The following IPCEF1 variants were observed in gnomAD, a reference collection of about 807,000 sequenced individuals.
IPCEF1 encodes interactor protein for cytohesin exchange factors 1.
IPCEF1 carries 31 observed loss-of-function variants against 50.9 expected under a neutral mutation model. That is an observed-to-expected ratio of 0.61 (90% CI 0.46 to 0.82). The LOEUF is 0.82. IPCEF1 is among the 40% of genes least tolerant of loss of function. The probability of loss-of-function intolerance (pLI) is 0.00; values close to 1 mark genes in which losing one functional copy is unlikely to be tolerated. For synonymous variants in IPCEF1, 181 were observed against 192.0 expected, an observed-to-expected ratio of 0.94 and a Z score of 0.47; for missense variants, 458 against 514.0, an observed-to-expected ratio of 0.89 and a Z score of 1.05.
intron 5 of IPCEF1, among the ~76,000 whole-genome samples, chr6:154,224,767 T>C (rs1171727307): frequency 6.6e-6 from 1 of 152,156 alleles, no homozygotes; most frequent in East Asian, 1.9e-4. Context: ...ATGGGCACTC[T>C]CTTCTTTAAA....
At chr6:154,194,433 CCTTT>C (rs982265082) in intron 10 of IPCEF1, among the ~76,000 whole-genome samples, 6 of 152,186 alleles carry the variant, frequency 3.9e-5, no homozygotes, top group South Asian at 4.2e-4. Flanking sequence ...TAAATTTATT[CCTTT>C]CTGAGTGGAA....
At chr6:154,229,019 T>G (rs930306669) in intron 5 of IPCEF1, among the ~76,000 whole-genome samples, 2 of 152,232 alleles carry the variant, frequency 1.3e-5, no homozygotes, top group African/African-American at 4.8e-5. Flanking sequence ...TCAACTTAGG[T>G]GTGACCATTT....
intron 10 of IPCEF1, among the ~76,000 whole-genome samples, chr6:154,182,495 A>C (rs895513544): frequency 1.3e-5 from 2 of 152,218 alleles, no homozygotes; most frequent in Non-Finnish European, 1.5e-5. Context: ...ATTTGTTTTT[A>C]AATTTTATTC....
intron 1 of IPCEF1, among the ~76,000 whole-genome samples, chr6:154,307,604 G>A (rs1782969384): frequency 6.6e-6 from 1 of 152,160 alleles, no homozygotes; most frequent in South Asian, 2.1e-4. Context: ...GTCCAGAACT[G>A]TCTTTTATTT....
rs143491850 is a variant in IPCEF1, at chr6:154,233,488, G to T, written c.247-10245C>A. ...ATATAACTAGATTTAGATCCAGAGA[G>T]ACTTTTTTCTTACAAACACCTAGAA... is the stretch of plus-strand genomic sequence containing the variant. On this transcript the variant is annotated intron_variant, in intron 5 of 11. Coordinates refer to ENST00000367220, the MANE Select transcript of IPCEF1 (RefSeq NM_001130700.2). Among the ~76,000 whole-genome samples the T allele has an allele frequency of 3.6e-3, 542 of 152,230 alleles. 3 individuals carry two copies. Among genetic ancestry groups the T allele is most frequent in the African/African-American group, 0.012 (486 of 41,528 alleles).
rs78254615 is a variant in IPCEF1 at position 154,310,671 on chromosome 6, C to T, written c.-61-20915G>A. Among the ~76,000 whole-genome samples, 663 of 151,774 alleles carry T rather than the reference C, an allele frequency of 4.4e-3. 5 individuals carry two copies. Among genetic ancestry groups the T allele is most frequent in the African/African-American group, 0.014 (587 of 41,382 alleles). On this transcript the variant is annotated intron_variant, in intron 1 of 11. Transcript: ENST00000367220. The stretch of plus-strand genomic sequence containing the variant: ...ATATACACATGGAATACTATACAGA[C>T]CTAAAAAAGAAGGAGAGTCTGTAAT...
At chr6:154,209,634 A>C (rs1465582302) in intron 9 of IPCEF1, among the ~76,000 whole-genome samples, 1 of 138,794 alleles carries the variant, frequency 7.2e-6, no homozygotes, top group Non-Finnish European at 1.6e-5. Context: ...ACAGACTGAG[A>C]CTGTGTCTCA....
chr6:154,172,662 G>C (rs186313668), intron 10 of IPCEF1, among the ~76,000 whole-genome samples: 2 of 152,200 alleles, frequency 1.3e-5, no homozygotes, highest in Non-Finnish European at 2.9e-5. Flanking sequence ...AGGGAAGCTC[G>C]AACTGGGCGG....
intron 9 of IPCEF1, among the ~76,000 whole-genome samples, chr6:154,207,050 T>G (rs1305268317): frequency 6.6e-6 from 1 of 152,024 alleles, no homozygotes; most frequent in Non-Finnish European, 1.5e-5. Flanking sequence ...TGGGAGGTGG[T>G]TTTTAGGAGG....
intron 1 of IPCEF1, among the ~76,000 whole-genome samples, chr6:154,354,895 A>G (rs1784188626): frequency 6.6e-6 from 1 of 152,172 alleles, no homozygotes; most frequent in Admixed American, 6.5e-5. Context: ...ACAAATATTT[A>G]CTGAGAGCAG....
rs571511337 is a variant in IPCEF1, at chr6:154,212,793, G to A, written c.514C>T (p.His172Tyr). 5.6e-6 allele frequency: 9 copies of A among 1,612,976 alleles called. No homozygotes were observed. The African/African-American group carries it at 9.3e-5, about 17-fold the overall frequency. Residue 172 changes from histidine to tyrosine, a missense_variant, in exon 9 of 12, where the codon CAC (histidine) becomes TAC (tyrosine). By Grantham distance (83) the His-to-Tyr change is moderately conservative. Transcript: ENST00000367220. ...ACCAAAGACTGAGTCTGGGAAGCGT[G>A]AGGAGGGGGTGGTGTCTCCGCAGCT... is the stretch of plus-strand genomic sequence containing the variant. ...EIAAETPPPP[H>Y]ASQTQSLTAQ...
At chr6:154,174,953 A>G (rs551885244) in intron 10 of IPCEF1, among the ~76,000 whole-genome samples, 74 of 152,214 alleles carry the variant, frequency 4.9e-4, no homozygotes, top group Non-Finnish European at 9.4e-4. Flanking sequence ...GTAAAAGAAA[A>G]GAAATCACAA....
intron 11 of IPCEF1, among the ~76,000 whole-genome samples, chr6:154,166,357 G>A (rs1188233476): frequency 1.3e-5 from 2 of 152,240 alleles, no homozygotes; most frequent in Admixed American, 6.5e-5. Context: ...TGGAAGGCCT[G>A]AGGCCACAGC....
chr6:154,254,880 T>G (rs915689420), intron 3 of IPCEF1, among the ~76,000 whole-genome samples: 1 of 152,182 alleles, frequency 6.6e-6, no homozygotes, highest in Non-Finnish European at 1.5e-5. Context: ...GGTTTTGGTT[T>G]CATTCACTTC....
chr6:154,307,379 T>C (rs1830272), intron 1 of IPCEF1, among the ~76,000 whole-genome samples: 10,739 of 152,220 alleles, frequency 0.071, 557 homozygotes, highest in African/African-American at 0.14. Context: ...CTCCTTGCCT[T>C]CCGCCATGGT....
chr6:154,273,364 A>C (rs1262116348), intron 2 of IPCEF1, among the ~76,000 whole-genome samples: 1 of 152,220 alleles, frequency 6.6e-6, no homozygotes, highest in African/African-American at 2.4e-5. Context: ...TGTGGCAGCA[A>C]ACGTCCACAC....
chr6:154,290,892 C>CTTTTTTTTTTTTTTTTTTTTTTTTT (rs1562581565), intron 1 of IPCEF1, among the ~76,000 whole-genome samples: 1 of 92,172 alleles, frequency 1.1e-5, no homozygotes, highest in African/African-American at 4.7e-5. Context: ...GAATATATTG[C>CTTTTTTTTTTTTTTTTTTTTTTTTT]CTTTTTTTTT....
At chr6:154,322,579 C>T (rs139125754) in intron 1 of IPCEF1, among the ~76,000 whole-genome samples, 3,209 of 151,672 alleles carry the variant, frequency 0.021, 59 homozygotes, top group Non-Finnish European at 0.032. Context: ...GGCTCACAGC[C>T]GTAATCCCAG....
intron 8 of IPCEF1, chr6:154,213,425 T>C (rs1179391466): frequency 2.0e-5 from 3 of 153,752 alleles, no homozygotes; most frequent in Non-Finnish European, 4.3e-5. Context: ...AAATAGACAA[T>C]GGGTACTTAT....
Sources: allele counts gnomAD v4.1 joint callset (sites outside exome capture counted in the v4.1 genomes callset), GRCh38; gene constraint gnomAD v4.1.1; transcripts MANE v1.5; gene names NCBI Gene and HGNC (gene_info 2026-07-23, HGNC 2026-07-21).